Variants in MALRD1 observed in about 807,000 individuals in gnomAD.
MALRD1 encodes the protein MAM and LDL-receptor class A domain-containing protein 1.
In MALRD1, 247 loss-of-function variants were observed where a neutral mutation model predicts 242.1. The ratio of observed to expected loss-of-function variants is 1.02; its 90% CI spans 0.92 to 1.13. The LOEUF is 1.13. MALRD1 is among the 50% of genes most tolerant of loss of function. MALRD1 has a pLI of 0.00. For missense variants in MALRD1, 2,989 were observed against 2,533.1 expected (o/e 1.18, Z -3.86); for synonymous variants, 995 against 866.6 (o/e 1.15, Z -2.60).
intron 36 of MALRD1, among the ~76,000 whole-genome samples, chr10:19,624,788 C>G (rs1394879047): frequency 1.3e-5 from 2 of 150,140 alleles, no homozygotes; most frequent in South Asian, 4.2e-4. Context: ...ATCACCTGAA[C>G]CTGGGAGGTG....
At chr10:19,545,607 T>G (rs900575318) in intron 32 of MALRD1, among the ~76,000 whole-genome samples, 22 of 151,882 alleles carry the variant, frequency 1.4e-4, no homozygotes, top group African/African-American at 4.6e-4. Flanking sequence ...TTTCCCCGTA[T>G]GTGAATAAAA....
chr10:19,134,289 A>G (rs1833240479), intron 9 of MALRD1, among the ~76,000 whole-genome samples: 1 of 152,238 alleles, frequency 6.6e-6, no homozygotes, highest in Non-Finnish European at 1.5e-5. Context: ...TTAGTAGAGT[A>G]TAGGCAAATG....
intron 2 of MALRD1, among the ~76,000 whole-genome samples, chr10:19,080,922 AAAAC>A (rs1835468264): frequency 6.6e-6 from 1 of 152,020 alleles, no homozygotes; most frequent in Non-Finnish European, 1.5e-5. Flanking sequence ...TTTCAGGAAA[AAAAC>A]AAACAACCCC....
chr10:19,224,382 G>A (rs1187839394), intron 18 of MALRD1, among the ~76,000 whole-genome samples: 7 of 151,788 alleles, frequency 4.6e-5, no homozygotes, highest in Non-Finnish European at 1.0e-4. Flanking sequence ...CACCTAATGG[G>A]TTCAAGCAAT....
chr10:19,311,233 G>A (rs1051255985), intron 21 of MALRD1, among the ~76,000 whole-genome samples: 6 of 151,304 alleles, frequency 4.0e-5, no homozygotes, highest in Non-Finnish European at 8.9e-5. Context: ...CTCATGCACA[G>A]ATATGTTACT....
chr10:19,621,274 A>T (rs1290398090), intron 36 of MALRD1, among the ~76,000 whole-genome samples: 2 of 151,026 alleles, frequency 1.3e-5, no homozygotes, highest in African/African-American at 2.4e-5. Context: ...TTTATAAAAC[A>T]TATAATTGGG....
At chr10:19,666,888 A>ACG in intron 36 of MALRD1, among the ~76,000 whole-genome samples, 1 of 152,304 alleles carries the variant, frequency 6.6e-6, no homozygotes, top group Non-Finnish European at 1.5e-5. Flanking sequence ...TGGTGGAGTG[A>ACG]CTTATCTGAG....
At chr10:19,114,435 G>A (rs567495927) in intron 5 of MALRD1, among the ~76,000 whole-genome samples, 31 of 152,136 alleles carry the variant, frequency 2.0e-4, no homozygotes, top group South Asian at 1.5e-3. Context: ...TCAGGAGTTC[G>A]AGACCAGCCT....
rs1170599922 is a variant in MALRD1 at position 19,052,515 on chromosome 10, G to A, written c.199+3378G>A. ...GGCACATCTAACTCAACTGTGAAAA[G>A]ACACATCACACAATCACCTTGCTGC... On this transcript the variant is annotated intron_variant, in intron 1 of 39. Transcript: ENST00000454679. 2.6e-5 allele frequency among the ~76,000 whole-genome samples: 4 copies of A among 152,262 alleles called. No homozygotes were observed. The East Asian group carries it at 7.7e-4, about 29-fold the overall frequency.
intron 18 of MALRD1, among the ~76,000 whole-genome samples, chr10:19,236,983 T>C (rs1349909052): frequency 1.3e-5 from 2 of 152,076 alleles, no homozygotes; most frequent in Non-Finnish European, 2.9e-5. Flanking sequence ...TGTTATTTAA[T>C]TCATTAATTT....
At chr10:19,340,624 T>C (rs962460515) in intron 24 of MALRD1, among the ~76,000 whole-genome samples, 5 of 152,120 alleles carry the variant, frequency 3.3e-5, no homozygotes, top group Non-Finnish European at 7.3e-5. Flanking sequence ...GTACTCTGCA[T>C]AGACTGGGAG....
intron 29 of MALRD1, among the ~76,000 whole-genome samples, chr10:19,481,826 ACACGC>A (rs1324540566): frequency 6.6e-6 from 1 of 152,120 alleles, no homozygotes; most frequent in Non-Finnish European, 1.5e-5. Flanking sequence ...ATTTATATTA[ACACGC>A]CAGTACAAGC....
At chr10:19,101,140 G>C (rs572586167) in intron 4 of MALRD1, among the ~76,000 whole-genome samples, 9 of 151,092 alleles carry the variant, frequency 6.0e-5, no homozygotes, top group African/African-American at 1.7e-4. Flanking sequence ...TCATTACATT[G>C]TACAAAGAAG....
At chr10:19,308,209 C>T (rs1349299728) in intron 21 of MALRD1, among the ~76,000 whole-genome samples, 1 of 151,422 alleles carries the variant, frequency 6.6e-6, no homozygotes, top group Non-Finnish European at 1.5e-5. Context: ...TCTGGTAACA[C>T]CATCCTTCTA....
intron 36 of MALRD1, among the ~76,000 whole-genome samples, chr10:19,655,808 A>G (rs973647436): frequency 6.6e-6 from 1 of 151,970 alleles, no homozygotes; most frequent in African/African-American, 2.4e-5. Flanking sequence ...ACTTACCTTC[A>G]TTGATTTCAG....
chr10:19,371,363 A>G (rs1416231888), intron 26 of MALRD1, among the ~76,000 whole-genome samples: 1 of 152,204 alleles, frequency 6.6e-6, no homozygotes, highest in Non-Finnish European at 1.5e-5. Flanking sequence ...AGTATCCTTT[A>G]TCAGTATGAG....
intron 2 of MALRD1, among the ~76,000 whole-genome samples, chr10:19,078,705 C>G (rs1429292898): frequency 6.6e-6 from 1 of 151,728 alleles, no homozygotes; most frequent in Non-Finnish European, 1.5e-5. Context: ...TTGTTACAAT[C>G]TATTTGGATT....
intron 33 of MALRD1, among the ~76,000 whole-genome samples, chr10:19,570,721 A>G (rs903927647): frequency 8.5e-5 from 13 of 152,094 alleles, no homozygotes; most frequent in African/African-American, 3.1e-4. Flanking sequence ...ACCAATTTTA[A>G]TAAGATATCC....
chr10:19,241,072 C>G (rs570758824), intron 18 of MALRD1, among the ~76,000 whole-genome samples: 2 of 152,126 alleles, frequency 1.3e-5, no homozygotes, highest in South Asian at 4.1e-4. Context: ...TATTGCGAGC[C>G]TCATAAGATG....
Sources: gnomAD v4.1 joint callset for allele counts (sites outside exome capture counted in the v4.1 genomes callset) on GRCh38, gnomAD v4.1.1 for gene constraint, MANE v1.5 for transcripts, NCBI Gene and HGNC (gene_info 2026-07-23, HGNC 2026-07-21) for gene names.